The following MEGF10 variants were observed in gnomAD, a reference collection of about 807,000 sequenced individuals.
MEGF10 encodes multiple EGF like domains 10.
In MEGF10, 86 loss-of-function variants were observed where a neutral mutation model predicts 147.5. The ratio of observed to expected loss-of-function variants is 0.58; its 90% CI spans 0.49 to 0.70. The LOEUF (loss-of-function observed/expected upper bound fraction) is 0.70. MEGF10 is among the 30% of genes least tolerant of loss of function. MEGF10 has a pLI of 0.00. For synonymous variants in MEGF10, 478 were observed against 525.5 expected, an observed-to-expected ratio of 0.91 and a Z score of 1.24; for missense variants, 1,329 against 1,487.3, an observed-to-expected ratio of 0.89 and a Z score of 1.75.
At chr5:127,345,456 G>A (rs1178919164) in intron 4 of MEGF10, among the ~76,000 whole-genome samples, 1 of 152,290 alleles carries the variant, frequency 6.6e-6, no homozygotes, top group Non-Finnish European at 1.5e-5. Flanking sequence ...CCAGAGCAGA[G>A]AGTGTGGGCA....
At chr5:127,372,221 G>C (rs535972619) in intron 5 of MEGF10, among the ~76,000 whole-genome samples, 1 of 152,288 alleles carries the variant, frequency 6.6e-6, no homozygotes, top group East Asian at 1.9e-4. Flanking sequence ...TAATTGCTTT[G>C]ATAATTAGAC....
rs1766498663 is a variant in MEGF10 at position 127,459,763 on chromosome 5, A to G, written c.*2445A>G. The G allele has an allele frequency of 6.6e-6, 1 of 152,208 alleles. No individual in the cohort carries two copies. The highest frequency in any genetic ancestry group is 1.5e-5 in the Non-Finnish European group (1 of 68,022). The allele number at this position is 152,208 out of a possible 1,614,324, so 9.4% of individuals were successfully genotyped here. A position where few individuals can be genotyped will look rare whatever the true frequency, so the allele number is the denominator to read the frequency against. On this transcript the variant is annotated 3_prime_UTR_variant, in exon 25 of 25. Coordinates refer to ENST00000503335, the MANE Select transcript of MEGF10 (RefSeq NM_001256545.2). ...CTGAAATGACATTTGTACCTGAGGC[A>G]ATTCTTATTAGAGCTTACTCAGGAC...
chr5:127,429,074 A>T (rs189368210), intron 13 of MEGF10, among the ~76,000 whole-genome samples: 341 of 152,292 alleles, frequency 2.2e-3, no homozygotes, highest in Admixed American at 5.0e-3. Context: ...TCAGAAAAGA[A>T]ATGCTCCCAT....
Position 127,457,321 on chromosome 5 carries a change from C to G in MEGF10, c.*3C>G. The G allele has an allele frequency of 6.2e-7, 1 of 1,612,088 alleles. No individual in the cohort carries two copies. The highest frequency in any genetic ancestry group is 1.3e-5 in the African/African-American group (1 of 75,038). The stretch of plus-strand genomic sequence containing the variant: ...ACAGCAGCAGCAGCAGTGAATGACA[C>G]CAAAGGACCGCTTGGTAGCCACTGG... On this transcript the variant is annotated 3_prime_UTR_variant, in exon 25 of 25. Coordinates refer to ENST00000503335, the MANE Select transcript of MEGF10 (RefSeq NM_001256545.2).
intron 5 of MEGF10, among the ~76,000 whole-genome samples, chr5:127,376,432 GAGAGATT>G (rs1763029459): frequency 6.6e-6 from 1 of 152,170 alleles, no homozygotes; most frequent in East Asian, 1.9e-4. Context: ...GGCACTGACA[GAGAGATT>G]AGTAAGGAGT....
At chr5:127,327,864 G>A (rs1761101023) in intron 1 of MEGF10, among the ~76,000 whole-genome samples, 1 of 151,978 alleles carries the variant, frequency 6.6e-6, no homozygotes, top group African/African-American at 2.4e-5. Context: ...ATAGGCACCT[G>A]CCAGCATGCC....
At position 127,397,949 on chromosome 5, in the gene MEGF10, G is replaced by A. The variant is rs1441952028; in HGVS notation, c.660-727G>A. ...ATGAAACTGGAAGCCATCATTCTCA[G>A]CAAACTAACACAGGAACAGAAAACC... On this transcript the variant is annotated intron_variant, in intron 6 of 24. Coordinates refer to ENST00000503335, the MANE Select transcript of MEGF10 (RefSeq NM_001256545.2). Among the ~76,000 whole-genome samples, 12 of 151,908 alleles carry A rather than the reference G, an allele frequency of 7.9e-5. No homozygotes were observed. The East Asian group carries it at 2.1e-3, about 27-fold the overall frequency.
the MEGF10 span, among the ~76,000 whole-genome samples, chr5:127,241,716 T>C: frequency 6.6e-6 from 1 of 152,152 alleles, no homozygotes; most frequent in African/African-American, 2.4e-5. Context: ...AGTAGAGCTA[T>C]AACAGAGAGT....
At chr5:127,416,023 G>A (rs779783639) in intron 9 of MEGF10, among the ~76,000 whole-genome samples, 6 of 148,668 alleles carry the variant, frequency 4.0e-5, no homozygotes, top group Non-Finnish European at 7.5e-5. Context: ...TTTTGTTTTT[G>A]TTTTTGTTTT....
intron 1 of MEGF10, among the ~76,000 whole-genome samples, chr5:127,328,403 A>AT (rs1761125673): frequency 1.3e-5 from 2 of 152,114 alleles, no homozygotes; most frequent in Admixed American, 6.6e-5. Flanking sequence ...ATGTACTGAT[A>AT]TTTTTTCTTT....
chr5:127,452,459 C>T (rs542080669), intron 22 of MEGF10, among the ~76,000 whole-genome samples: 5 of 152,202 alleles, frequency 3.3e-5, no homozygotes, highest in Non-Finnish European at 7.3e-5. Context: ...ACCACCCTGA[C>T]TTCTGACATC....
chr5:127,304,693 C>T (rs549730134), intron 1 of MEGF10, among the ~76,000 whole-genome samples: 1 of 152,268 alleles, frequency 6.6e-6, no homozygotes, highest in South Asian at 2.1e-4. Context: ...CAGGGTTTTG[C>T]CATGTTGGCC....
intron 9 of MEGF10, among the ~76,000 whole-genome samples, chr5:127,414,192 CA>C (rs1352932650): frequency 6.6e-6 from 1 of 152,100 alleles, no homozygotes; most frequent in Non-Finnish European, 1.5e-5. Flanking sequence ...TAAATCTTAG[CA>C]ATTGTCCTTC....
chr5:127,431,501 A>G (rs1033054373), intron 13 of MEGF10, among the ~76,000 whole-genome samples: 2 of 152,220 alleles, frequency 1.3e-5, no homozygotes, highest in Admixed American at 6.5e-5. Context: ...ACAAAAAAGC[A>G]TAAAAAATCG....
chr5:127,255,809 T>G, the MEGF10 span, among the ~76,000 whole-genome samples: 2 of 152,010 alleles, frequency 1.3e-5, no homozygotes, highest in Non-Finnish European at 2.9e-5. Context: ...GACATTCCTT[T>G]ATTGTCATCC....
At chr5:127,391,478 G>A (rs949008678) in intron 5 of MEGF10, among the ~76,000 whole-genome samples, 4 of 151,596 alleles carry the variant, frequency 2.6e-5, no homozygotes, top group Non-Finnish European at 5.9e-5. Context: ...TCAGGTGGGA[G>A]GATCACTTGA....
chr5:127,343,400 A>G (rs570899315), intron 4 of MEGF10, among the ~76,000 whole-genome samples: 3 of 151,436 alleles, frequency 2.0e-5, no homozygotes, highest in South Asian at 2.1e-4. Flanking sequence ...CCGCTCCTCC[A>G]TGATAGACCC....
At chr5:127,393,002 T>A (rs1044960806) in intron 5 of MEGF10, among the ~76,000 whole-genome samples, 2 of 152,286 alleles carry the variant, frequency 1.3e-5, no homozygotes, top group South Asian at 4.1e-4. Flanking sequence ...TGAAAATGAG[T>A]CGGCACTTGC....
At chr5:127,403,255 G>C (rs1037316422) in intron 8 of MEGF10, among the ~76,000 whole-genome samples, 9 of 151,912 alleles carry the variant, frequency 5.9e-5, no homozygotes, top group Non-Finnish European at 1.0e-4. Flanking sequence ...TTATCTCAGA[G>C]CGCTTTGCAC....
Sources: allele counts gnomAD v4.1 joint callset (sites outside exome capture counted in the v4.1 genomes callset), GRCh38; gene constraint gnomAD v4.1.1; transcripts MANE v1.5; gene names NCBI Gene and HGNC (gene_info 2026-07-23, HGNC 2026-07-21).